The following MAML1 variants were observed in gnomAD, a reference collection of about 807,000 sequenced individuals.
The protein encoded by MAML1 is mastermind like transcriptional coactivator 1.
Under a neutral mutation model 77.1 loss-of-function variants are expected in MAML1, and 14 were observed. That is an observed-to-expected ratio of 0.18 (90% confidence interval 0.12 to 0.28). The LOEUF (loss-of-function observed/expected upper bound fraction) is 0.28. Ranked by LOEUF, MAML1 falls within the 10% of genes least tolerant of loss-of-function variation. The pLI, the probability that MAML1 is intolerant of heterozygous loss-of-function variation, is 1.00. For missense variants in MAML1, 1,217 were observed against 1,327.8 expected (o/e 0.92, Z 1.30); for synonymous variants, 516 against 551.9 (o/e 0.93, Z 0.91).
chr5:179,733,166 G>T lies in MAML1; in HGVS notation c.54G>T (p.Ala18=), dbSNP rs750921170. The change falls in exon 1 of 5, where the codon GCG becomes GCT. Residue 18 remains alanine (A), a synonymous_variant. Coordinates refer to ENST00000292599, the MANE Select transcript of MAML1 (RefSeq NM_014757.5). ...AGTTCGCGCTGCCGCGGCACAGCGCGGTCATGGAGCGCCTTCGCCGGCGCA... is the reference window on the plus strand; with the variant it reads ...AGTTCGCGCTGCCGCGGCACAGCGCTGTCATGGAGCGCCTTCGCCGGCGCA... ...MAEFALPRHS[A]VMERLRRRIE... 1 of 1,466,094 alleles carries T rather than the reference G, an allele frequency of 6.8e-7. No individual in the cohort carries two copies. Among genetic ancestry groups the T allele is most frequent in the South Asian group, 1.3e-5 (1 of 79,122 alleles). The allele number at this position is 1,466,094 out of a possible 1,614,324, so 90.8% of individuals were successfully genotyped here.
chr5:179,772,863 C>T (rs1296675812), intron 4 of MAML1, among the ~76,000 whole-genome samples: 1 of 152,164 alleles, frequency 6.6e-6, no homozygotes, highest in Non-Finnish European at 1.5e-5. Context: ...CACTCTCAGT[C>T]CAGCCACTCT....
chr5:179,735,866 T>G (rs1351054453), intron 1 of MAML1, among the ~76,000 whole-genome samples: 1 of 150,652 alleles, frequency 6.6e-6, no homozygotes, highest in Admixed American at 6.6e-5. Context: ...TTTGGTATTT[T>G]TAGTAGAGAC....
intron 1 of MAML1, among the ~76,000 whole-genome samples, chr5:179,738,060 C>CT (rs1779208057): frequency 6.6e-6 from 1 of 152,132 alleles, no homozygotes; most frequent in South Asian, 2.1e-4. Context: ...TTCTTTCTCT[C>CT]TTTTTTAACC....
At chr5:179,739,038 T>TC (rs1779227157) in intron 1 of MAML1, among the ~76,000 whole-genome samples, 1 of 152,356 alleles carries the variant, frequency 6.6e-6, no homozygotes, top group African/African-American at 2.4e-5. Flanking sequence ...TGACTTTTTT[T>TC]CTCAGTCTCC....
At chr5:179,742,140 C>T (rs918600873) in intron 1 of MAML1, among the ~76,000 whole-genome samples, 7 of 151,074 alleles carry the variant, frequency 4.6e-5, no homozygotes, top group African/African-American at 9.7e-5. Context: ...CCCAAAGTGC[C>T]GGGATTACAG....
chr5:179,741,121 A>G (rs1443035510), intron 1 of MAML1, among the ~76,000 whole-genome samples: 1 of 152,152 alleles, frequency 6.6e-6, no homozygotes, highest in Non-Finnish European at 1.5e-5. Context: ...TGTTCCTTCT[A>G]AGTATTTTCC....
intron 2 of MAML1, among the ~76,000 whole-genome samples, chr5:179,767,201 C>T (rs907195888): frequency 4.7e-5 from 7 of 150,478 alleles, no homozygotes; most frequent in African/African-American, 7.3e-5. Flanking sequence ...CTTCCCAGCA[C>T]AGCTCAGCTC....
intron 1 of MAML1, among the ~76,000 whole-genome samples, chr5:179,752,591 A>G (rs1779515829): frequency 7.4e-6 from 1 of 135,064 alleles, no homozygotes; most frequent in Admixed American, 7.5e-5. Flanking sequence ...ACACTTTATT[A>G]GATACTCTTT....
chr5:179,739,709 GACA>G (rs1232832757), intron 1 of MAML1, among the ~76,000 whole-genome samples: 3 of 152,118 alleles, frequency 2.0e-5, no homozygotes, highest in African/African-American at 7.2e-5. Context: ...ATAAAAATAT[GACA>G]ACATTTACAT....
chr5:179,775,618 CCCTT>C lies in MAML1; in HGVS notation c.*745_*748del. 1 of 985,422 alleles carries C rather than the reference CCCTT, an allele frequency of 1.0e-6. No homozygotes were observed. Among genetic ancestry groups the C allele is most frequent in the Non-Finnish European group, 1.2e-6 (1 of 829,930 alleles). 61.0% of individuals were successfully genotyped at this position (985,422 alleles called of 1,614,324 possible). ...CCTCCCTCCCAAGGCCCCCAGGAATCCCTTCCTCCCATGTCCTGGCAGCAGGACC... is the reference window on the plus strand; with the variant it reads ...CCTCCCTCCCAAGGCCCCCAGGAATCCCTCCCATGTCCTGGCAGCAGGACC... On this transcript the variant is annotated 3_prime_UTR_variant, in exon 5 of 5. Transcript: ENST00000292599.
chr5:179,746,973 C>A (rs1779394471), intron 1 of MAML1, among the ~76,000 whole-genome samples: 1 of 152,170 alleles, frequency 6.6e-6, no homozygotes, highest in Non-Finnish European at 1.5e-5. Context: ...CAGCCGCCTA[C>A]CCCTGAAACA....
intron 1 of MAML1, among the ~76,000 whole-genome samples, chr5:179,738,861 G>A (rs1385505212): frequency 6.6e-6 from 1 of 151,400 alleles, no homozygotes; most frequent in Non-Finnish European, 1.5e-5. Context: ...GCTCACTACA[G>A]CCTCAACCTC....
chr5:179,757,167 C>T (rs187361790), intron 1 of MAML1, among the ~76,000 whole-genome samples: 36 of 151,904 alleles, frequency 2.4e-4, no homozygotes, highest in Non-Finnish European at 4.4e-4. Context: ...AATTTATATA[C>T]AGCCTGTACA....
intron 1 of MAML1, among the ~76,000 whole-genome samples, chr5:179,735,125 GTAAC>G (rs1779142179): frequency 6.6e-6 from 1 of 152,190 alleles, no homozygotes; most frequent in Non-Finnish European, 1.5e-5. Flanking sequence ...GTATACGTAT[GTAAC>G]TAACCTGCAC....
At chr5:179,736,580 C>T (rs1052655282) in intron 1 of MAML1, among the ~76,000 whole-genome samples, 7 of 152,064 alleles carry the variant, frequency 4.6e-5, no homozygotes, top group South Asian at 2.1e-4. Flanking sequence ...AAGAGTAGTT[C>T]GTGGTCATTG....
chr5:179,743,530 C>T (rs1428345860), intron 1 of MAML1, among the ~76,000 whole-genome samples: 1 of 151,532 alleles, frequency 6.6e-6, no homozygotes, highest in Non-Finnish European at 1.5e-5. Flanking sequence ...CCACGCCCGG[C>T]TAATTTTTTT....
At chr5:179,767,095 CT>C (rs10707656) in intron 2 of MAML1, among the ~76,000 whole-genome samples, 27,482 of 100,988 alleles carry the variant, frequency 0.27, 2,409 homozygotes, top group Non-Finnish European at 0.31. Context: ...AGAGGCTTGG[CT>C]TTTTTTTTTT....
chr5:179,762,233 C>G (rs1779736838), intron 1 of MAML1, among the ~76,000 whole-genome samples: 1 of 152,140 alleles, frequency 6.6e-6, no homozygotes, highest in Admixed American at 6.5e-5. Context: ...GATTATCCTT[C>G]CTATAAGGCT....
intron 4 of MAML1, among the ~76,000 whole-genome samples, chr5:179,772,307 T>C (rs1051540394): frequency 1.3e-5 from 2 of 152,100 alleles, no homozygotes; most frequent in Admixed American, 6.5e-5. Flanking sequence ...TTAGTAGAGA[T>C]GGGCTTTCAC....
Sources: allele counts gnomAD v4.1 joint callset (sites outside exome capture counted in the v4.1 genomes callset), GRCh38; gene constraint gnomAD v4.1.1; transcripts MANE v1.5; gene names NCBI Gene and HGNC (gene_info 2026-07-23, HGNC 2026-07-21).